The following STK38L variants were observed in gnomAD, a reference collection of about 807,000 sequenced individuals.
The protein encoded by STK38L is serine/threonine kinase 38 like, also known as serine/threonine-protein kinase 38-like.
In STK38L, 28 loss-of-function variants were observed where a neutral mutation model predicts 59.7. That is an observed-to-expected ratio of 0.47 (90% CI 0.35 to 0.64). The LOEUF is 0.64. Ranked by LOEUF, STK38L falls within the 30% of genes least tolerant of loss-of-function variation. The pLI, the probability that STK38L is intolerant of heterozygous loss-of-function variation, is 0.01. For missense variants in STK38L, 314 were observed against 555.8 expected (o/e 0.56, Z 4.37); for synonymous variants, 162 against 176.8 (o/e 0.92, Z 0.66).
At chr12:27,255,403 T>C (rs1158191587) in intron 1 of STK38L, among the ~76,000 whole-genome samples, 2 of 152,196 alleles carry the variant, frequency 1.3e-5, no homozygotes, top group East Asian at 1.9e-4. Flanking sequence ...ACACAAGATA[T>C]TGGACTGACA....
At chr12:27,289,896 C>T (rs987754647) in intron 1 of STK38L, among the ~76,000 whole-genome samples, 2 of 152,118 alleles carry the variant, frequency 1.3e-5, no homozygotes, top group African/African-American at 4.8e-5. Context: ...TCTCTCCCCT[C>T]TCCATTAGAA....
rs564574265 is a variant in STK38L, at chr12:27,313,937, C to G, written c.518-567C>G. 2.6e-5 allele frequency among the ~76,000 whole-genome samples: 4 copies of G among 152,182 alleles called. No homozygotes were observed. The East Asian group carries it at 7.7e-4, about 29-fold the overall frequency. ...TTGACATTTTCCTCAGCAGTTAATT[C>G]TAGAAGTTGAGTGGTAGATATTACT... On this transcript the variant is annotated intron_variant, in intron 6 of 13. Transcript: ENST00000389032.
At chr12:27,312,493 T>C in intron 5 of STK38L, 56 bp from the exon 6 acceptor site, 1 of 1,585,534 alleles carries the variant, frequency 6.3e-7, no homozygotes, top group Non-Finnish European at 8.6e-7. Flanking sequence ...AAGAGATGAG[T>C]TTAACAAATG....
At chr12:27,265,142 A>G (rs549642883) in intron 1 of STK38L, among the ~76,000 whole-genome samples, 1 of 152,314 alleles carries the variant, frequency 6.6e-6, no homozygotes, top group East Asian at 1.9e-4. Context: ...AAATTGAAAA[A>G]TGCAAAAAGG....
At chr12:27,286,969 T>G (rs1414027811) in intron 1 of STK38L, among the ~76,000 whole-genome samples, 1 of 152,220 alleles carries the variant, frequency 6.6e-6, no homozygotes, top group Non-Finnish European at 1.5e-5. Context: ...TATTCCTGTT[T>G]ATTATCAAAC....
chr12:27,251,361 C>T (rs1942972039), intron 1 of STK38L, among the ~76,000 whole-genome samples: 1 of 152,118 alleles, frequency 6.6e-6, no homozygotes, highest in African/African-American at 2.4e-5. Context: ...TACACATTTC[C>T]TTACTTAATC....
rs538654379 is a variant in STK38L at position 27,317,651 on chromosome 12, C to A, written c.955+198C>A. 4.3e-6 allele frequency: 3 copies of A among 703,736 alleles called. No homozygotes were observed. The African/African-American group carries it at 5.4e-5, about 13-fold the overall frequency. 43.6% of individuals were successfully genotyped at this position (703,736 alleles called of 1,614,324 possible). On this transcript the variant is annotated intron_variant, in intron 10 of 13. Transcript: ENST00000389032. ...CTGTTTCAGGAAGGTGGGTATTTAA[C>A]CCAAACTCCCACGTATAAAAGTGGT...
intron 1 of STK38L, among the ~76,000 whole-genome samples, chr12:27,261,262 C>A (rs1943198644): frequency 6.6e-6 from 1 of 152,192 alleles, no homozygotes; most frequent in South Asian, 2.1e-4. Context: ...AAGTCCCCAT[C>A]ACAGCTTATT....
chr12:27,319,059 A>G (rs898566110), intron 11 of STK38L, among the ~76,000 whole-genome samples: 2 of 152,226 alleles, frequency 1.3e-5, no homozygotes, highest in Non-Finnish European at 2.9e-5. Context: ...CAGTATATCA[A>G]GTGAAAAAAA....
At chr12:27,314,422 A>G (rs1944536019) in intron 6 of STK38L, 82 bp from the exon 7 acceptor site, 2 of 1,133,154 alleles carry the variant, frequency 1.8e-6, no homozygotes, top group Middle Eastern at 2.3e-4. Flanking sequence ...AAAAAAAAGT[A>G]AAAAAAGCAG....
chr12:27,302,586 T>A (rs1244247632), intron 3 of STK38L: 1 of 154,100 alleles, frequency 6.5e-6, no homozygotes, highest in Non-Finnish European at 1.4e-5. Context: ...CCCCAACTGG[T>A]CTCCCCATTT....
rs570448830 is a variant in STK38L at position 27,299,581 on chromosome 12, T to TA, written c.134+1733dup. 1.6e-4 allele frequency among the ~76,000 whole-genome samples: 25 copies of TA among 152,232 alleles called. No homozygotes were observed. In the East Asian group the frequency reaches 3.9e-3, roughly 23 times the overall value. On this transcript the variant is annotated intron_variant, in intron 2 of 13. Transcript: ENST00000389032. ...ATAATAGCGATAATATCTTACACATTAAAAAATAGAACGATAATATTTTCC... is the reference window on the plus strand; with the variant it reads ...ATAATAGCGATAATATCTTACACATTAAAAAAATAGAACGATAATATTTTCC...
intron 1 of STK38L, among the ~76,000 whole-genome samples, chr12:27,266,743 G>C (rs1295964774): frequency 6.6e-6 from 1 of 152,132 alleles, no homozygotes; most frequent in Admixed American, 6.6e-5. Context: ...TATTCAATCT[G>C]GTGTGGCCCT....
At chr12:27,306,055 A>G (rs1944302630) in intron 3 of STK38L, among the ~76,000 whole-genome samples, 1 of 152,190 alleles carries the variant, frequency 6.6e-6, no homozygotes, top group African/African-American at 2.4e-5. Flanking sequence ...TCATGGAATC[A>G]ATTTTTTTTA....
At chr12:27,292,858 C>A (rs1398560176) in intron 1 of STK38L, among the ~76,000 whole-genome samples, 1 of 152,188 alleles carries the variant, frequency 6.6e-6, no homozygotes, top group South Asian at 2.1e-4. Context: ...GAAACCTCAT[C>A]TTCTATTTAC....
chr12:27,263,261 C>T (rs1474499038), intron 1 of STK38L, among the ~76,000 whole-genome samples: 1 of 152,230 alleles, frequency 6.6e-6, no homozygotes, highest in African/African-American at 2.4e-5. Flanking sequence ...GCAGTTACCA[C>T]CTCTTACAGT....
chr12:27,257,494 C>T (rs959895738), intron 1 of STK38L, among the ~76,000 whole-genome samples: 1 of 152,182 alleles, frequency 6.6e-6, no homozygotes, highest in African/African-American at 2.4e-5. Context: ...AATCCTGTCT[C>T]CCAGAAACTA....
chr12:27,281,976 C>T (rs1047350944), intron 1 of STK38L, among the ~76,000 whole-genome samples: 29 of 152,154 alleles, frequency 1.9e-4, no homozygotes, highest in Non-Finnish European at 7.4e-5. Context: ...GCTGAGGCTG[C>T]AGTGAGCCAA....
chr12:27,296,627 A>G (rs558754157), intron 1 of STK38L, among the ~76,000 whole-genome samples: 1 of 152,310 alleles, frequency 6.6e-6, no homozygotes, highest in South Asian at 2.1e-4. Context: ...CTTTTCAACT[A>G]AGAATGCTTT....
Sources: gnomAD v4.1 joint callset for allele counts (sites outside exome capture counted in the v4.1 genomes callset) on GRCh38, gnomAD v4.1.1 for gene constraint, MANE v1.5 for transcripts, NCBI Gene and HGNC (gene_info 2026-07-23, HGNC 2026-07-21) for gene names.